Variants in CAMKMT observed in about 807,000 individuals in gnomAD.
CAMKMT encodes CaM KMT.
A neutral mutation model predicts 48.0 loss-of-function variants in CAMKMT; 53 were observed. The observed-to-expected ratio is 1.10, with a 90% confidence interval of 0.89 to 1.39. The LOEUF is 1.39. CAMKMT is among the 40% of genes most tolerant of loss of function. The probability of loss-of-function intolerance (pLI) is 0.00; values close to 1 mark genes in which losing one functional copy is unlikely to be tolerated. For missense variants in CAMKMT, 428 were observed against 402.7 expected (o/e 1.06, Z -0.54); for synonymous variants, 165 against 152.3 (o/e 1.08, Z -0.61).
intron 3 of CAMKMT, among the ~76,000 whole-genome samples, chr2:44,488,979 TC>T (rs1669350767): frequency 1.3e-5 from 2 of 151,492 alleles, no homozygotes; most frequent in Non-Finnish European, 2.9e-5. Context: ...GATCCTCCTG[TC>T]CCCCCGTCCT....
intron 10 of CAMKMT, among the ~76,000 whole-genome samples, chr2:44,768,465 G>T (rs1332173878): frequency 1.3e-5 from 2 of 151,798 alleles, no homozygotes; most frequent in African/African-American, 4.8e-5. Context: ...CCAGCAGCGG[G>T]GATACTGTGT....
chr2:44,762,675 A>G (rs149943938), intron 9 of CAMKMT, among the ~76,000 whole-genome samples: 1 of 152,330 alleles, frequency 6.6e-6, no homozygotes, highest in Non-Finnish European at 1.5e-5. Flanking sequence ...AAATAAAAAT[A>G]AATCTGAAGC....
chr2:44,464,296 A>G (rs576953927), intron 3 of CAMKMT, among the ~76,000 whole-genome samples: 5 of 152,330 alleles, frequency 3.3e-5, no homozygotes, highest in East Asian at 1.9e-4. Flanking sequence ...CAGAGTAACA[A>G]CAGCAACACA....
intron 3 of CAMKMT, among the ~76,000 whole-genome samples, chr2:44,421,817 C>T (rs1412391151): frequency 2.0e-5 from 3 of 152,104 alleles, no homozygotes; most frequent in Non-Finnish European, 2.9e-5. Context: ...ATCTCTGTGA[C>T]GTTTCATCAT....
At chr2:44,480,321 C>T (rs1668903051) in intron 3 of CAMKMT, among the ~76,000 whole-genome samples, 2 of 152,170 alleles carry the variant, frequency 1.3e-5, no homozygotes, top group African/African-American at 4.8e-5. Context: ...TACACACACC[C>T]TCCACACATC....
intron 3 of CAMKMT, among the ~76,000 whole-genome samples, chr2:44,562,384 G>A (rs1173037367): frequency 6.6e-6 from 1 of 152,092 alleles, no homozygotes; most frequent in Non-Finnish European, 1.5e-5. Flanking sequence ...AACAATAATA[G>A]CTAGCACTTT....
At chr2:44,561,054 C>A (rs906341805) in intron 3 of CAMKMT, among the ~76,000 whole-genome samples, 5 of 152,160 alleles carry the variant, frequency 3.3e-5, no homozygotes, top group African/African-American at 1.2e-4. Flanking sequence ...TGTCATATGG[C>A]CTGACCACTG....
At chr2:44,599,060 A>G (rs1423502728) in intron 3 of CAMKMT, among the ~76,000 whole-genome samples, 1 of 152,052 alleles carries the variant, frequency 6.6e-6, no homozygotes, top group Non-Finnish European at 1.5e-5. Flanking sequence ...GTAAAATCCT[A>G]TATTTTCTGT....
chr2:44,574,333 A>T (rs1669087590), intron 3 of CAMKMT, among the ~76,000 whole-genome samples: 1 of 151,998 alleles, frequency 6.6e-6, no homozygotes, highest in South Asian at 2.1e-4. Flanking sequence ...AGGATTGGAG[A>T]GTTTGAGTAA....
At chr2:44,405,121 A>G (rs1236458899) in intron 3 of CAMKMT, among the ~76,000 whole-genome samples, 3 of 152,084 alleles carry the variant, frequency 2.0e-5, no homozygotes, top group African/African-American at 7.2e-5. Flanking sequence ...GTGTATATTA[A>G]AATCTATCTA....
At chr2:44,672,318 C>A (rs748891221) in intron 3 of CAMKMT, among the ~76,000 whole-genome samples, 1 of 152,168 alleles carries the variant, frequency 6.6e-6, no homozygotes, top group South Asian at 2.1e-4. Flanking sequence ...AAACTGAATG[C>A]GGCTCACAAG....
intron 3 of CAMKMT, among the ~76,000 whole-genome samples, chr2:44,415,111 A>G (rs1438157107): frequency 6.6e-6 from 1 of 152,222 alleles, no homozygotes; most frequent in Admixed American, 6.5e-5. Context: ...AGATGGCGCC[A>G]CTGCACTCCA....
chr2:44,753,041 A>T (rs1289478177), intron 8 of CAMKMT, among the ~76,000 whole-genome samples: 2 of 152,176 alleles, frequency 1.3e-5, no homozygotes, highest in Non-Finnish European at 2.9e-5. Context: ...GACCCAAGCA[A>T]AGGGGTGACA....
At chr2:44,457,721 G>T (rs1667641709) in intron 3 of CAMKMT, among the ~76,000 whole-genome samples, 1 of 152,076 alleles carries the variant, frequency 6.6e-6, no homozygotes, top group South Asian at 2.1e-4. Flanking sequence ...TCTTAAAAGT[G>T]CCTAGTGTAC....
At chr2:44,526,814 T>A (rs1666136458) in intron 3 of CAMKMT, among the ~76,000 whole-genome samples, 1 of 152,146 alleles carries the variant, frequency 6.6e-6, no homozygotes, top group African/African-American at 2.4e-5. Context: ...ATCCCTTAGT[T>A]TATGCATAAA....
At chr2:44,584,986 C>T (rs1264272242) in intron 3 of CAMKMT, among the ~76,000 whole-genome samples, 3 of 150,378 alleles carry the variant, frequency 2.0e-5, no homozygotes, top group South Asian at 2.1e-4. Context: ...ACCCACGAGG[C>T]GGAGGTTGCA....
chr2:44,458,129 C>A (rs577773452), intron 3 of CAMKMT, among the ~76,000 whole-genome samples: 6 of 149,888 alleles, frequency 4.0e-5, no homozygotes, highest in Non-Finnish European at 8.9e-5. Flanking sequence ...TCACTGCAAC[C>A]TCTGCCTCCC....
chr2:44,669,974 T>A (rs1014338884), intron 3 of CAMKMT, among the ~76,000 whole-genome samples: 3 of 152,196 alleles, frequency 2.0e-5, no homozygotes, highest in African/African-American at 7.2e-5. Context: ...TATTTACTAA[T>A]CAGCTACTTT....
chr2:44,490,676 C>G (rs1217380769), intron 3 of CAMKMT, among the ~76,000 whole-genome samples: 1 of 152,056 alleles, frequency 6.6e-6, no homozygotes, highest in Non-Finnish European at 1.5e-5. Flanking sequence ...TGTATTATAA[C>G]TTATGTTGTG....
Sources: allele counts gnomAD v4.1 joint callset (sites outside exome capture counted in the v4.1 genomes callset), GRCh38; gene constraint gnomAD v4.1.1; transcripts MANE v1.5; gene names NCBI Gene and HGNC (gene_info 2026-07-23, HGNC 2026-07-21).